The following DOP1B variants were observed in gnomAD, a reference collection of about 807,000 sequenced individuals.
The protein encoded by DOP1B is protein DOP1B.
Under a neutral mutation model 233.5 loss-of-function variants are expected in DOP1B, and 174 were observed. The observed-to-expected ratio is 0.75, with a 90% CI of 0.66 to 0.85. The LOEUF is 0.85. Ranked by LOEUF, DOP1B falls within the 40% of genes least tolerant of loss-of-function variation. The pLI is 0.00. For missense variants in DOP1B, 2,652 were observed against 2,846.6 expected (o/e 0.93, Z 1.56); for synonymous variants, 1,190 against 1,185.6 (o/e 1.00, Z -0.08).
Position 36,238,534 on chromosome 21 carries a change from A to T in DOP1B, c.2776-67A>T, listed in dbSNP as rs1352725840. 4.5e-6 allele frequency: 6 copies of T among 1,333,100 alleles called. No homozygotes were observed. In the African/African-American group the frequency reaches 8.7e-5, roughly 19 times the overall value. 82.6% of individuals were successfully genotyped at this position (1,333,100 alleles called of 1,614,324 possible). A position where few individuals can be genotyped will look rare whatever the true frequency, so the allele number is the denominator to read the frequency against. ...TTGATCTATTGTTTAAATGGGGTTT[A>T]TGGTGACTGAAGACAGTGGTCAGTT... is the stretch of plus-strand genomic sequence containing the variant. On this transcript the variant is annotated intron_variant, in intron 16 of 36. Coordinates refer to ENST00000691173, the MANE Select transcript of DOP1B (RefSeq NM_001320714.2).
At chr21:36,292,291 C>T (rs1251564862) in intron 36 of DOP1B, 58 bp downstream of exon 36, 6 of 1,414,872 alleles carry the variant, frequency 4.2e-6, no homozygotes, top group South Asian at 2.8e-5. Flanking sequence ...GAGTTTCACT[C>T]GGCCACCCAG....
intron 2 of DOP1B, 81 bp from the exon 3 acceptor site, chr21:36,198,989 T>C (rs2066326134): frequency 6.9e-7 from 1 of 1,449,414 alleles, no homozygotes. Flanking sequence ...GGCTGCAGTC[T>C]CTCTGGCTTC....
In DOP1B at chr21:36,227,642, T is replaced by A. The variant is rs780007883; in HGVS notation, c.1474-44T>A. 6 of 1,432,138 alleles carry A rather than the reference T, an allele frequency of 4.2e-6. No homozygotes were observed. In the Admixed American group the frequency reaches 1.3e-4, roughly 30 times the overall value. 88.7% of individuals were successfully genotyped at this position (1,432,138 alleles called of 1,614,324 possible). Reference sequence around the variant, plus strand: ...TTTTGAGATGCATTGTTTTTCTGATTGTGAACCAACATTGTGGGGTTAACC... The same window carrying A: ...TTTTGAGATGCATTGTTTTTCTGATAGTGAACCAACATTGTGGGGTTAACC... On this transcript the variant is annotated intron_variant, in intron 12 of 36. Transcript: ENST00000691173.
At chr21:36,228,505 G>A (rs1021957719) in intron 13 of DOP1B, among the ~76,000 whole-genome samples, 2 of 151,650 alleles carry the variant, frequency 1.3e-5, no homozygotes, top group African/African-American at 2.4e-5. Context: ...GGTGGCTCAC[G>A]CCTGTAATCC....
rs963789983 is a variant in DOP1B at position 36,289,060 on chromosome 21, A to G, written c.6369A>G (p.Val2123=). Reference sequence around the variant, plus strand: ...AAATTTATAGAAGCACCAACAAAGTAAACAGAACGAAAGTTTCAGTCCCGG... The same window carrying G: ...AAATTTATAGAAGCACCAACAAAGTGAACAGAACGAAAGTTTCAGTCCCGG... ...EDESLRSTNK[V]NRTKVSVPDA... is the part of the protein sequence containing the mutation. The change falls in exon 35 of 37, where the codon GTA becomes GTG. Residue 2123 remains valine (V), a synonymous_variant. Transcript: ENST00000691173. 1.9e-6 allele frequency: 3 copies of G among 1,610,940 alleles called. No homozygotes were observed. In the East Asian group the frequency reaches 6.7e-5, roughly 36 times the overall value.
intron 13 of DOP1B, among the ~76,000 whole-genome samples, chr21:36,228,416 C>T (rs971969760): frequency 3.3e-5 from 5 of 149,616 alleles, no homozygotes; most frequent in African/African-American, 7.4e-5. Flanking sequence ...TGAGCCATCA[C>T]GCCACTGCAC....
At chr21:36,228,924 T>C (rs915837187) in intron 13 of DOP1B, among the ~76,000 whole-genome samples, 4 of 152,160 alleles carry the variant, frequency 2.6e-5, no homozygotes, top group African/African-American at 7.2e-5. Flanking sequence ...TGAGCCATGA[T>C]TGCACGGCTG....
chr21:36,271,367 T>C (rs35412031), intron 27 of DOP1B, among the ~76,000 whole-genome samples: 11,850 of 151,442 alleles, frequency 0.078, 1,330 homozygotes, highest in African/African-American at 0.24. Flanking sequence ...TCCGCCTCCC[T>C]GGTTCAAGCC....
intron 6 of DOP1B, 117 bp from the exon 7 acceptor site, chr21:36,211,857 G>T: frequency 1.3e-6 from 2 of 1,493,520 alleles, no homozygotes; most frequent in East Asian, 2.3e-5. Flanking sequence ...TAATGTGTAA[G>T]GAACCAGCCC....
chr21:36,258,237 T>G (rs575869535), intron 23 of DOP1B, among the ~76,000 whole-genome samples: 20 of 152,100 alleles, frequency 1.3e-4, no homozygotes, highest in Non-Finnish European at 2.5e-4. Context: ...AAGTAAAACC[T>G]TGACTCTAAA....
Position 36,185,466 on chromosome 21 carries a change from A to G in DOP1B, c.139-13604A>G, listed in dbSNP as rs538028885. ...GAGCCCCTATTATATGCTTGCCACC[A>G]TTGTTTTTCAAACCTAGGATCCTCC... On this transcript the variant is annotated intron_variant, in intron 2 of 36. Coordinates refer to ENST00000691173, the MANE Select transcript of DOP1B (RefSeq NM_001320714.2). Among the ~76,000 whole-genome samples the G allele has an allele frequency of 3.9e-5, 6 of 152,204 alleles. No homozygotes were observed. The East Asian group carries it at 1.2e-3, about 29-fold the overall frequency.
intron 23 of DOP1B, among the ~76,000 whole-genome samples, chr21:36,259,009 T>C (rs2067139300): frequency 1.4e-5 from 2 of 147,058 alleles, no homozygotes; most frequent in South Asian, 4.4e-4. Flanking sequence ...GAAGTCTTGC[T>C]CTGTCGCCCA....
At chr21:36,204,354 C>G (rs1001443936) in intron 4 of DOP1B, among the ~76,000 whole-genome samples, 1 of 152,144 alleles carries the variant, frequency 6.6e-6, no homozygotes, top group South Asian at 2.1e-4. Context: ...TACAGAGTTT[C>G]CATGATGTCC....
rs1205869764 is a variant in DOP1B at position 36,174,532 on chromosome 21, CCTT to C, written c.138+9668_138+9670del. On this transcript the variant is annotated intron_variant, in intron 2 of 36. Coordinates refer to ENST00000691173, the MANE Select transcript of DOP1B (RefSeq NM_001320714.2). The stretch of plus-strand genomic sequence containing the variant: ...AAAACTTGGGTGAGTCCAACAGAAT[CCTT>C]CTTCTTTTTTTGAGGCTGGAGTGCA... Among the ~76,000 whole-genome samples the C allele has an allele frequency of 9.2e-5, 14 of 152,204 alleles. 1 individual carries two copies. In the East Asian group the frequency reaches 9.7e-4, roughly 11 times the overall value.
intron 7 of DOP1B, among the ~76,000 whole-genome samples, chr21:36,212,654 A>G (rs1457135364): frequency 6.6e-6 from 1 of 152,230 alleles, no homozygotes; most frequent in Non-Finnish European, 1.5e-5. Flanking sequence ...GACAGAGCCT[A>G]GGAAATTGCA....
chr21:36,186,092 A>T (rs974870464), intron 2 of DOP1B, among the ~76,000 whole-genome samples: 1 of 152,138 alleles, frequency 6.6e-6, no homozygotes, highest in African/African-American at 2.4e-5. Context: ...AATCCCAGCT[A>T]CTTGGGAGGC....
rs150245118 is a variant in DOP1B at position 36,219,435 on chromosome 21, A to T, written c.1193A>T (p.Asp398Val). ...AGGGCCTTTTATTCTTACTGCAGAG[A>T]TGCCCTTGGCTCTGATCTTAAACTT... ...VIRAFYSYCR[D>V]ALGSDLKLSY... Residue 398 changes from aspartate to valine, a missense_variant, in exon 10 of 37, where the codon GAT (aspartate) becomes GTT (valine). Around this residue, in one of 3 missense-constraint regions of DOP1B, gnomAD observed 2,617 missense variants for 2,794.3 expected, o/e 0.94. Coordinates refer to ENST00000691173, the MANE Select transcript of DOP1B (RefSeq NM_001320714.2). 2.5e-6 allele frequency: 4 copies of T among 1,614,168 alleles called. No individual in the cohort carries two copies. The highest frequency in any genetic ancestry group is 2.5e-6 in the Non-Finnish European group (3 of 1,180,034).
intron 32 of DOP1B, among the ~76,000 whole-genome samples, chr21:36,286,916 A>T (rs1374665740): frequency 6.6e-6 from 1 of 151,862 alleles, no homozygotes; most frequent in Non-Finnish European, 1.5e-5. Flanking sequence ...GTGAGCGGAG[A>T]CTGCTCTGCT....
intron 2 of DOP1B, among the ~76,000 whole-genome samples, chr21:36,187,461 A>ATTTTTGT (rs2066177547): frequency 6.6e-6 from 1 of 151,556 alleles, no homozygotes; most frequent in African/African-American, 2.4e-5. Context: ...CATCTGGCTA[A>ATTTTTGT]TTTTTGTTTT....
Sources: allele counts gnomAD v4.1 joint callset (sites outside exome capture counted in the v4.1 genomes callset), GRCh38; gene constraint gnomAD v4.1.1; regional missense constraint gnomAD v4.1.1; transcripts MANE v1.5; gene names NCBI Gene and HGNC (gene_info 2026-07-23, HGNC 2026-07-21).